Variants in NFU1 observed in about 807,000 individuals in gnomAD.
NFU1 encodes NFU1 iron-sulfur cluster scaffold.
NFU1 carries 30 observed loss-of-function variants against 32.2 expected under a neutral mutation model. The ratio of observed to expected loss-of-function variants is 0.93; its 90% confidence interval spans 0.70 to 1.26. The LOEUF is 1.26. Ranked by LOEUF, NFU1 falls within the 50% of genes most tolerant of loss-of-function variation. The pLI is 0.00. For synonymous variants in NFU1, 112 were observed against 104.6 expected (o/e 1.07, Z -0.43); for missense variants, 306 against 306.6 (o/e 1.00, Z 0.02).
intron 1 of NFU1, among the ~76,000 whole-genome samples, chr2:69,435,589 A>G (rs72907092): frequency 0.046 from 6,990 of 152,234 alleles, 481 homozygotes; most frequent in African/African-American, 0.15. Context: ...ACTGTAACCC[A>G]TAGAGTTTCT....
At chr2:69,413,018 G>A (rs544916532) in intron 5 of NFU1, among the ~76,000 whole-genome samples, 2 of 152,112 alleles carry the variant, frequency 1.3e-5, no homozygotes, top group Non-Finnish European at 2.9e-5. Context: ...ATACCGGCCA[G>A]GCTCAGTGGC....
intron 1 of NFU1, among the ~76,000 whole-genome samples, chr2:69,436,250 C>T (rs909635204): frequency 2.6e-5 from 4 of 152,148 alleles, no homozygotes; most frequent in South Asian, 2.1e-4. Flanking sequence ...ATGTAAAGTG[C>T]TTAAACCAGT....
At chr2:69,437,547 G>A (rs1311851618), upstream of NFU1, 5 of 1,164,674 alleles carry the variant, frequency 4.3e-6, no homozygotes, top group Non-Finnish European at 6.2e-6. Flanking sequence ...CGGTCCTGCT[G>A]CGGATAAGTG....
chr2:69,438,933 C>G (rs754317838), upstream of NFU1, among the ~76,000 whole-genome samples: 1 of 137,092 alleles, frequency 7.3e-6, no homozygotes, highest in African/African-American at 2.7e-5. Flanking sequence ...CATTCTAGAC[C>G]GCAAGGCAGT....
At chr2:69,429,115 G>A (rs1412179640) in intron 2 of NFU1, among the ~76,000 whole-genome samples, 1 of 152,156 alleles carries the variant, frequency 6.6e-6, no homozygotes, top group Non-Finnish European at 1.5e-5. Flanking sequence ...ATAAGGGAAT[G>A]ATTTTTCAAT....
At chr2:69,424,280 T>C (rs1005291805) in intron 2 of NFU1, among the ~76,000 whole-genome samples, 3 of 149,248 alleles carry the variant, frequency 2.0e-5, no homozygotes, top group African/African-American at 7.4e-5. Context: ...GGTTTTTGGG[T>C]TTTTTGTTTT....
chr2:69,411,560 C>T (rs1217688582), intron 5 of NFU1, among the ~76,000 whole-genome samples: 1 of 151,878 alleles, frequency 6.6e-6, no homozygotes, highest in Non-Finnish European at 1.5e-5. Context: ...AATTAATATT[C>T]AGAATATTTA....
At chr2:69,437,913 T>C (rs960100607), upstream of NFU1, among the ~76,000 whole-genome samples, 1 of 152,252 alleles carries the variant, frequency 6.6e-6, no homozygotes, top group South Asian at 2.1e-4. Flanking sequence ...GTCTAACCCT[T>C]CCTCATAGCT....
intron 2 of NFU1, among the ~76,000 whole-genome samples, chr2:69,424,176 A>C (rs1257689259): frequency 8.5e-6 from 1 of 117,622 alleles, no homozygotes; most frequent in East Asian, 2.4e-4. Context: ...GTCTCAAAAA[A>C]AAAAAAAAAA....
At chr2:69,407,485 TG>T (rs1672733500) in intron 5 of NFU1, among the ~76,000 whole-genome samples, 1 of 151,914 alleles carries the variant, frequency 6.6e-6, no homozygotes, top group Admixed American at 6.6e-5. Context: ...CAGACCAGCC[TG>T]GCCAATAGGG....
intron 5 of NFU1, among the ~76,000 whole-genome samples, chr2:69,412,065 G>C (rs914497933): frequency 6.6e-6 from 1 of 151,992 alleles, no homozygotes; most frequent in African/African-American, 2.4e-5. Context: ...AAATTTTTTG[G>C]CGGGGGGACG....
At chr2:69,438,535 C>T (rs1291714575), upstream of NFU1, among the ~76,000 whole-genome samples, 1 of 152,142 alleles carries the variant, frequency 6.6e-6, no homozygotes, top group Non-Finnish European at 1.5e-5. Context: ...CCTCCAAAAG[C>T]TCTTAGGTTA....
At chr2:69,417,383 C>T (rs550124649) in intron 4 of NFU1, among the ~76,000 whole-genome samples, 2 of 151,942 alleles carry the variant, frequency 1.3e-5, no homozygotes, top group East Asian at 3.9e-4. Context: ...TGGCTCACAC[C>T]TGTAATCCCA....
intron 2 of NFU1, 84 bp from the exon 3 acceptor site, chr2:69,423,801 T>G: frequency 9.8e-7 from 1 of 1,017,618 alleles, no homozygotes; most frequent in Non-Finnish European, 1.5e-6. Flanking sequence ...TTGCAGAGAA[T>G]CAGAAGAAGT....
intron 4 of NFU1, among the ~76,000 whole-genome samples, chr2:69,418,442 T>A: frequency 6.6e-6 from 1 of 152,048 alleles, no homozygotes; most frequent in East Asian, 1.9e-4. Context: ...ATGACTAGAT[T>A]TAACATGTCA....
chr2:69,425,883 A>G (rs1006221740), intron 2 of NFU1, among the ~76,000 whole-genome samples: 3 of 152,208 alleles, frequency 2.0e-5, no homozygotes, highest in Admixed American at 2.0e-4. Context: ...AGAGATATTA[A>G]TTAAGTTGCC....
chr2:69,416,998 G>C (rs1028515903), intron 4 of NFU1, among the ~76,000 whole-genome samples: 1 of 152,156 alleles, frequency 6.6e-6, no homozygotes, highest in African/African-American at 2.4e-5. Context: ...ATATCTTAGT[G>C]ATTGGGAATG....
chr2:69,437,567 A>C, upstream of NFU1: 1 of 997,386 alleles, frequency 1.0e-6, no homozygotes, highest in Non-Finnish European at 1.5e-6. Context: ...GCGGTGGCCT[A>C]CGCGCCGAGG....
intron 2 of NFU1, among the ~76,000 whole-genome samples, chr2:69,425,482 G>A (rs1574144794): frequency 6.6e-6 from 1 of 151,602 alleles, no homozygotes; most frequent in Admixed American, 6.6e-5. Flanking sequence ...AGCCTCCTGA[G>A]TAGCTGGGAT....
Sources: gnomAD v4.1 joint callset for allele counts (sites outside exome capture counted in the v4.1 genomes callset) on GRCh38, gnomAD v4.1.1 for gene constraint, MANE v1.5 for transcripts, NCBI Gene and HGNC (gene_info 2026-07-23, HGNC 2026-07-21) for gene names.